The following MYO5B variants were observed in gnomAD, a reference collection of about 807,000 sequenced individuals.
The protein encoded by MYO5B is unconventional myosin-Vb.
In MYO5B, 143 loss-of-function variants were observed where a neutral mutation model predicts 229.3. That is an observed-to-expected ratio of 0.62 (90% CI 0.54 to 0.72). MYO5B has a LOEUF of 0.72. Among genes scored for constraint, MYO5B ranks in the 30% least tolerant of loss-of-function variants. MYO5B has a pLI of 0.00. For missense variants in MYO5B, 2,321 were observed against 2,331.0 expected, an observed-to-expected ratio of 1.00 and a Z score of 0.09; for synonymous variants, 918 against 885.2, an observed-to-expected ratio of 1.04 and a Z score of -0.66.
chr18:49,983,608 C>A (rs758351192), intron 8 of MYO5B, among the ~76,000 whole-genome samples: 1 of 152,242 alleles, frequency 6.6e-6, no homozygotes, highest in Non-Finnish European at 1.5e-5. Flanking sequence ...GTACCTGCTA[C>A]TTCTGGACCC....
chr18:49,849,052 C>A (rs1478863256), intron 32 of MYO5B, among the ~76,000 whole-genome samples: 2 of 151,808 alleles, frequency 1.3e-5, no homozygotes, highest in South Asian at 4.2e-4. Flanking sequence ...AGCAGGGTGA[C>A]ATATGTAAAG....
chr18:50,145,671 A>G lies in MYO5B; in HGVS notation c.27+49096T>C, dbSNP rs144507285. Among the ~76,000 whole-genome samples, 1,320 of 152,300 alleles carry G rather than the reference A, an allele frequency of 8.7e-3. 16 individuals are homozygous for G. Among genetic ancestry groups the G allele is most frequent in the African/African-American group, 0.03 (1,238 of 41,556 alleles). On this transcript the variant is annotated intron_variant, in intron 1 of 39. Transcript: ENST00000285039. ...TTTTTTAAAAAGTATTCAACCAACA[A>G]CAAAATCTCTCAAAAGATTATTCAA...
chr18:50,007,183 A>G (rs1441095939), intron 4 of MYO5B, among the ~76,000 whole-genome samples: 1 of 152,140 alleles, frequency 6.6e-6, no homozygotes, highest in South Asian at 2.1e-4. Context: ...TCGAATTCCC[A>G]GGGCTCCTGG....
intron 9 of MYO5B, among the ~76,000 whole-genome samples, chr18:49,978,109 A>G (rs1262685157): frequency 1.3e-5 from 2 of 152,194 alleles, no homozygotes; most frequent in Non-Finnish European, 2.9e-5. Flanking sequence ...CGCCTAGCAG[A>G]GAAAGGGCTG....
At chr18:50,111,441 A>G (rs2031862721) in intron 1 of MYO5B, among the ~76,000 whole-genome samples, 1 of 152,238 alleles carries the variant, frequency 6.6e-6, no homozygotes, top group African/African-American at 2.4e-5. Context: ...AGTAGGCAGA[A>G]AAACAGATCC....
chr18:49,963,709 T>C (rs560186775), intron 10 of MYO5B, among the ~76,000 whole-genome samples: 122 of 152,332 alleles, frequency 8.0e-4, no homozygotes, highest in South Asian at 3.3e-3. Flanking sequence ...ACTACAGGCA[T>C]GAGCCACCAC....
intron 1 of MYO5B, among the ~76,000 whole-genome samples, chr18:50,061,171 G>T (rs1185146846): frequency 6.6e-6 from 1 of 152,190 alleles, no homozygotes; most frequent in East Asian, 1.9e-4. Flanking sequence ...CAAGTGTGCG[G>T]GCTCTAGAGT....
intron 14 of MYO5B, among the ~76,000 whole-genome samples, chr18:49,945,651 GTTTGTCCTCAC>G (rs1382723070): frequency 1.3e-5 from 2 of 152,080 alleles, no homozygotes; most frequent in African/African-American, 2.4e-5. Context: ...AGGCCCATTT[GTTTGTCCTCAC>G]TGTCTATGGC....
intron 1 of MYO5B, among the ~76,000 whole-genome samples, chr18:50,174,586 G>C (rs963986733): frequency 6.6e-6 from 1 of 152,184 alleles, no homozygotes; most frequent in Admixed American, 6.5e-5. Context: ...GGAAAACAAA[G>C]TATACACCAA....
intron 1 of MYO5B, 25 bp downstream of exon 1, chr18:50,194,742 G>A: frequency 6.8e-7 from 1 of 1,466,830 alleles, no homozygotes; most frequent in Non-Finnish European, 9.0e-7. Flanking sequence ...CGGCCCCGGG[G>A]CGCCTCCCTC....
chr18:50,184,525 G>A (rs1195378266), intron 1 of MYO5B, among the ~76,000 whole-genome samples: 1 of 152,176 alleles, frequency 6.6e-6, no homozygotes, highest in Admixed American at 6.5e-5. Context: ...GCAGCTTTGG[G>A]AAAGTCACAT....
chr18:49,957,341 T>A (rs1230500924), intron 12 of MYO5B, among the ~76,000 whole-genome samples: 1 of 152,062 alleles, frequency 6.6e-6, no homozygotes, highest in Admixed American at 6.6e-5. Flanking sequence ...AGGAGCTGAC[T>A]TTTAAGGACC....
intron 16 of MYO5B, among the ~76,000 whole-genome samples, chr18:49,933,496 C>T (rs2025216905): frequency 6.6e-6 from 1 of 152,216 alleles, no homozygotes; most frequent in African/African-American, 2.4e-5. Context: ...AGGAAAAAGC[C>T]TTTTGTATAG....
chr18:49,856,879 T>A lies in MYO5B; in HGVS notation c.3956A>T (p.Asp1319Val). 1 of 1,613,966 alleles carries A rather than the reference T, an allele frequency of 6.2e-7. No individual in the cohort carries two copies. Among genetic ancestry groups the A allele is most frequent in the Non-Finnish European group, 8.5e-7 (1 of 1,179,902 alleles). ...GVCQTNSKTE[D>V]WGYLNEDGEL... ...TCCATCTTCATTTAAATATCCCCAA[T>A]CCTCAGTCTTGCTAGAAACAAAGGA... is the stretch of plus-strand genomic sequence containing the variant. Residue 1319 changes from aspartate to valine, a missense_variant, in exon 30 of 40, where the codon GAT becomes GTT. By Grantham distance (152) the Asp-to-Val change is radical. Around this residue, in one of 2 missense-constraint regions of MYO5B, gnomAD observed 2,113 missense variants for 2,044.7 expected, o/e 1.03. Coordinates refer to ENST00000285039, the MANE Select transcript of MYO5B (RefSeq NM_001080467.3).
At chr18:50,150,755 G>A (rs1234184700) in intron 1 of MYO5B, among the ~76,000 whole-genome samples, 1 of 152,046 alleles carries the variant, frequency 6.6e-6, no homozygotes, top group African/African-American at 2.4e-5. Flanking sequence ...AGTGGGTGCA[G>A]TGCACCAGCA....
intron 4 of MYO5B, among the ~76,000 whole-genome samples, chr18:50,023,612 T>A (rs1264387752): frequency 2.0e-5 from 3 of 152,090 alleles, no homozygotes; most frequent in Admixed American, 1.3e-4. Flanking sequence ...AGAAAGTCAA[T>A]CAGAATAGTA....
At chr18:50,105,807 A>G (rs1210394949) in intron 1 of MYO5B, among the ~76,000 whole-genome samples, 9 of 152,078 alleles carry the variant, frequency 5.9e-5, no homozygotes, top group African/African-American at 1.7e-4. Flanking sequence ...CAAATTAAGT[A>G]AAGACAAAAG....
intron 3 of MYO5B, among the ~76,000 whole-genome samples, chr18:50,038,279 C>T (rs1162605044): frequency 6.6e-6 from 1 of 152,100 alleles, no homozygotes; most frequent in South Asian, 2.1e-4. Context: ...AATGAAAGGG[C>T]GACTGCTAAG....
intron 16 of MYO5B, among the ~76,000 whole-genome samples, chr18:49,934,034 C>T (rs903167783): frequency 6.6e-6 from 1 of 152,116 alleles, no homozygotes; most frequent in East Asian, 1.9e-4. Context: ...CACCACCATG[C>T]CCAGCTAATT....
Sources: gnomAD v4.1 joint callset for allele counts (sites outside exome capture counted in the v4.1 genomes callset) on GRCh38, gnomAD v4.1.1 for gene constraint, gnomAD v4.1.1 regional missense constraint, MANE v1.5 for transcripts, NCBI Gene and HGNC (gene_info 2026-07-23, HGNC 2026-07-21) for gene names.